The following CASK variants were observed in gnomAD, a reference collection of about 807,000 sequenced individuals.
CASK encodes calcium/calmodulin dependent serine protein kinase.
A neutral mutation model predicts 82.9 loss-of-function variants in CASK; 4 were observed. That is an observed-to-expected ratio of 0.05 (90% CI 0.02 to 0.11). CASK has a LOEUF of 0.11. Among genes scored for constraint, CASK ranks in the 10% least tolerant of loss-of-function variants. The pLI is 1.00. For missense variants in CASK, 358 were observed against 720.9 expected (o/e 0.50, Z 5.76); for synonymous variants, 259 against 253.5 (o/e 1.02, Z -0.20).
At chrX:41,580,484 A>G (rs755814862) in intron 14 of CASK, among the ~76,000 whole-genome samples, 8 of 111,998 alleles carry the variant, frequency 7.1e-5, no homozygotes, top group African/African-American at 1.9e-4. Flanking sequence ...TTTAAATTAT[A>G]TAAGCAAACA....
chrX:41,707,765 G>A (rs182219514), intron 5 of CASK, among the ~76,000 whole-genome samples: 27 of 111,384 alleles, frequency 2.4e-4, no homozygotes, highest in Non-Finnish European at 1.1e-4. Flanking sequence ...TGGAGCTGCT[G>A]AAGATTTAGT....
chrX:41,896,437 G>T (rs2072271969), intron 1 of CASK, among the ~76,000 whole-genome samples: 1 of 111,600 alleles, frequency 9.0e-6, no homozygotes, highest in African/African-American at 3.3e-5. Context: ...GATAATATAG[G>T]GAAAAGACAA....
chrX:41,792,114 T>A lies in CASK; in HGVS notation c.173-4831A>T, dbSNP rs187938277. Among the ~76,000 whole-genome samples the A allele has an allele frequency of 2.7e-5, 3 of 111,322 alleles. No homozygotes were observed. The Admixed American group carries it at 2.9e-4, about 11-fold the overall frequency. On this transcript the variant is annotated intron_variant, in intron 2 of 26. Transcript: ENST00000378163. ...GGGTCTGCCTATCAGACTGGTCAAG[T>A]AAGGGAAAGTTAGGGAAGCTGGTTC...
At position 41,557,019 on chromosome X, in the gene CASK, C is replaced by T. The variant is rs758328079; in HGVS notation, c.1806+13G>A. 8.3e-7 allele frequency: 1 copy of T among 1,197,768 alleles called. No homozygotes were observed. The highest frequency in any genetic ancestry group is 2.2e-5 in the Admixed American group (1 of 46,013). On this transcript the variant is annotated intron_variant, in intron 19 of 26. Coordinates refer to ENST00000378163, the MANE Select transcript of CASK (RefSeq NM_001367721.1). ...AATTGTCACACTTTGCTGTGTGGAG[C>T]TAAAGTTCTTACCGAAACAGAATTG... is the stretch of plus-strand genomic sequence containing the variant.
intron 1 of CASK, among the ~76,000 whole-genome samples, chrX:41,859,642 T>C (rs753265118): frequency 5.8e-4 from 65 of 111,933 alleles, no homozygotes; most frequent in African/African-American, 2.0e-3. Context: ...GACTGTCTAG[T>C]GTTCCTAAGC....
chrX:41,611,873 A>AT (rs1430203898), intron 11 of CASK, among the ~76,000 whole-genome samples: 7 of 108,801 alleles, frequency 6.4e-5, no homozygotes, highest in Non-Finnish European at 1.1e-4. Flanking sequence ...TGGTTTTCGT[A>AT]TTTTTTTGGT....
chrX:41,899,667 C>A, intron 1 of CASK, among the ~76,000 whole-genome samples: 1 of 111,473 alleles, frequency 9.0e-6, no homozygotes, highest in Admixed American at 9.5e-5. Flanking sequence ...GACACTTTTT[C>A]TCCTCTGCCC....
chrX:41,748,526 T>C lies in CASK; in HGVS notation c.279-2925A>G, dbSNP rs148518294. ...TCCCACCAGTTTGGATTCACTGTAC[T>C]AACGACCTCAGCTGGCATTATGGAC... On this transcript the variant is annotated intron_variant, in intron 3 of 26. Coordinates refer to ENST00000378163, the MANE Select transcript of CASK (RefSeq NM_001367721.1). The C allele has an allele frequency of 7.7e-3, 1,696 of 219,710 alleles. 9 individuals carry two copies. The highest frequency in any genetic ancestry group is 0.012 in the Non-Finnish European group (1,415 of 119,747). The allele number at this position is 219,710 out of a possible 1,213,427, so 18.1% of individuals were successfully genotyped here.
At chrX:41,563,856 C>T (rs977349230) in intron 16 of CASK, among the ~76,000 whole-genome samples, 4 of 111,408 alleles carry the variant, frequency 3.6e-5, no homozygotes, top group African/African-American at 1.3e-4. Flanking sequence ...GCAAGTCCTG[C>T]CAAACTTTCA....
At chrX:41,560,647 T>C (rs1231736428) in intron 17 of CASK, among the ~76,000 whole-genome samples, 1 of 105,800 alleles carries the variant, frequency 9.5e-6, no homozygotes, top group Non-Finnish European at 1.9e-5. Flanking sequence ...TCCCGGTACT[T>C]TGGGAGGCCA....
At chrX:41,911,772 T>A (rs951857039) in intron 1 of CASK, among the ~76,000 whole-genome samples, 1 of 112,069 alleles carries the variant, frequency 8.9e-6, no homozygotes, top group Non-Finnish European at 1.9e-5. Flanking sequence ...CTTGGGAGTT[T>A]TTCACAACAC....
chrX:41,809,116 C>T (rs548700498), intron 2 of CASK, among the ~76,000 whole-genome samples: 5 of 112,367 alleles, frequency 4.4e-5, no homozygotes, highest in East Asian at 2.8e-4. Flanking sequence ...TGGAGCCCAC[C>T]GCAGCTCAAG....
chrX:41,766,734 G>T (rs1432362124), intron 3 of CASK, among the ~76,000 whole-genome samples: 13 of 111,253 alleles, frequency 1.2e-4, no homozygotes, highest in African/African-American at 3.9e-4. Context: ...AAAAAATACA[G>T]AAATTAGCCG....
intron 12 of CASK, among the ~76,000 whole-genome samples, chrX:41,598,400 G>A (rs1428072155): frequency 9.0e-6 from 1 of 111,220 alleles, no homozygotes; most frequent in Non-Finnish European, 1.9e-5. Flanking sequence ...TGCCTAGGAT[G>A]GAGTGCAATG....
intron 21 of CASK, among the ~76,000 whole-genome samples, chrX:41,552,232 T>C (rs2065110414): frequency 9.1e-6 from 1 of 110,495 alleles, no homozygotes; most frequent in Non-Finnish European, 1.9e-5. Context: ...CCACCATGCC[T>C]GGCCCCTGAT....
intron 3 of CASK, among the ~76,000 whole-genome samples, chrX:41,745,950 AT>A (rs1288461914): frequency 8.9e-6 from 1 of 112,168 alleles, no homozygotes; most frequent in Non-Finnish European, 1.9e-5. Context: ...AATTCCAAAA[AT>A]ATTCAGTTAT....
intron 1 of CASK, among the ~76,000 whole-genome samples, chrX:41,876,141 T>C (rs1290905265): frequency 1.8e-5 from 2 of 111,251 alleles, no homozygotes; most frequent in East Asian, 5.6e-4. Flanking sequence ...ACAGATACTT[T>C]ATTAGTATTA....
At chrX:41,921,869 CAAAAAAAAAAAAAAA>C (rs11298104) in intron 1 of CASK, among the ~76,000 whole-genome samples, 1 of 39,757 alleles carries the variant, frequency 2.5e-5, no homozygotes, top group Non-Finnish European at 4.3e-5. Flanking sequence ...GCACCGCTTC[CAAAAAAAAAAAAAAA>C]AAAAAAAAGA....
chrX:41,620,016 A>C (rs776400155), intron 11 of CASK, among the ~76,000 whole-genome samples: 1 of 112,982 alleles, frequency 8.9e-6, no homozygotes, highest in Admixed American at 9.4e-5. Context: ...TCTCTGAGGT[A>C]AAATTTACAT....
Sources: gnomAD v4.1 joint callset for allele counts (sites outside exome capture counted in the v4.1 genomes callset) on GRCh38, gnomAD v4.1.1 for gene constraint, MANE v1.5 for transcripts, NCBI Gene and HGNC (gene_info 2026-07-23, HGNC 2026-07-21) for gene names.